DLC1: variants seen among roughly 807,000 people sequenced by gnomAD.
DLC1 encodes DLC1 Rho GTPase activating protein, also known as rho GTPase-activating protein 7.
Under a neutral mutation model 140.3 loss-of-function variants are expected in DLC1, and 54 were observed. The ratio of observed to expected loss-of-function variants is 0.38; its 90% confidence interval spans 0.31 to 0.48. DLC1 has a LOEUF of 0.48. Among genes scored for constraint, DLC1 ranks in the 20% least tolerant of loss-of-function variants. The pLI is 0.96. For synonymous variants in DLC1, 986 were observed against 728.1 expected, an observed-to-expected ratio of 1.35 and a Z score of -5.70; for missense variants, 2,536 against 1,907.0, an observed-to-expected ratio of 1.33 and a Z score of -6.14.
chr8:13,185,712 C>T (rs1308190677), intron 5 of DLC1, among the ~76,000 whole-genome samples: 1 of 151,946 alleles, frequency 6.6e-6, no homozygotes, highest in African/African-American at 2.4e-5. Flanking sequence ...GTTATTTTGC[C>T]CATTAATTAA....
At chr8:13,218,696 T>G (rs1828329970) in intron 5 of DLC1, among the ~76,000 whole-genome samples, 1 of 150,238 alleles carries the variant, frequency 6.7e-6, no homozygotes, top group East Asian at 1.9e-4. Flanking sequence ...GATGAAGTCT[T>G]TTGAAATAGT....
chr8:13,382,236 G>A (rs188289017), intron 4 of DLC1, among the ~76,000 whole-genome samples: 131 of 152,018 alleles, frequency 8.6e-4, no homozygotes, highest in Middle Eastern at 6.8e-3. Context: ...GGCCGGGCGC[G>A]GTGGCTCACG....
At position 13,100,127 on chromosome 8, in the gene DLC1, G is replaced by T. The variant is rs775118649; in HGVS notation, c.2210C>A (p.Ser737Tyr). The T allele has an allele frequency of 1.1e-5, 17 of 1,613,956 alleles. No homozygotes were observed. The highest frequency in any genetic ancestry group is 1.3e-5 in the African/African-American group (1 of 74,942). ...PMVRKRSVSN[S>Y]TQTSSSSSQS... Reference sequence around the variant, plus strand: ...GCTGCTGCTGCTGCTGGTCTGCGTGGAGTTGGAAACGCTCCTCTTTCGTAC... The same window carrying T: ...GCTGCTGCTGCTGCTGGTCTGCGTGTAGTTGGAAACGCTCCTCTTTCGTAC... The change falls in exon 9 of 18, where the codon TCC becomes TAC. Residue 737 changes from serine to tyrosine, a missense_variant. By Grantham distance (144) the Ser-to-Tyr change is moderately radical (BLOSUM62 -2). Transcript: ENST00000276297.
At chr8:13,088,204 C>A (rs988772130) in intron 16 of DLC1, among the ~76,000 whole-genome samples, 1 of 152,182 alleles carries the variant, frequency 6.6e-6, no homozygotes, top group African/African-American at 2.4e-5. Context: ...CTCGGCCTCC[C>A]GAGTAGCTAG....
chr8:13,126,398 C>CACACACACACAT (rs929709776), intron 5 of DLC1, among the ~76,000 whole-genome samples: 2 of 151,940 alleles, frequency 1.3e-5, no homozygotes, highest in African/African-American at 4.8e-5. Flanking sequence ...CACACACACA[C>CACACACACACAT]ACGTGTACGT....
At chr8:13,294,863 A>G (rs979295162) in intron 5 of DLC1, among the ~76,000 whole-genome samples, 9 of 152,186 alleles carry the variant, frequency 5.9e-5, no homozygotes, top group East Asian at 1.9e-4. Flanking sequence ...CTTCAACTGT[A>G]TAATGTAGAT....
chr8:13,367,449 A>G (rs1835540985), intron 4 of DLC1, among the ~76,000 whole-genome samples: 1 of 152,184 alleles, frequency 6.6e-6, no homozygotes, highest in African/African-American at 2.4e-5. Context: ...TAGGGGGCCC[A>G]ATAGAAGAAA....
intron 5 of DLC1, among the ~76,000 whole-genome samples, chr8:13,191,821 G>T (rs2117028014): frequency 6.6e-6 from 1 of 152,142 alleles, no homozygotes; most frequent in African/African-American, 2.4e-5. Context: ...TGAAATAATA[G>T]ATTGGGCAGT....
At chr8:13,396,363 A>G (rs1837046156) in intron 3 of DLC1, among the ~76,000 whole-genome samples, 1 of 152,144 alleles carries the variant, frequency 6.6e-6, no homozygotes, top group Admixed American at 6.5e-5. Context: ...CTGGCCTTGC[A>G]TTAATTTCCT....
At position 13,579,354 on chromosome 8, in the gene DLC1, T is replaced by TAAA. The variant is rs1804977700; in HGVS notation, c.-126+25182_-126+25183insTTT. Among the ~76,000 whole-genome samples, 19 of 31,098 alleles carry TAAA rather than the reference T, an allele frequency of 6.1e-4. 2 individuals carry two copies. Among genetic ancestry groups the TAAA allele is most frequent in the South Asian group, 1.7e-3 (2 of 1,178 alleles). The allele number at this position is 31,098 out of a possible 152,430, so 20.4% of individuals were successfully genotyped here. On this transcript the variant is annotated intron_variant, in intron 1 of 1. Transcript: ENST00000631382. ...ATATATATATATATATATATATATA[T>TAAA]ATATATATTTTTATATAATACATAT...
chr8:13,276,565 C>A (rs1280005862), intron 5 of DLC1: 2 of 1,267,544 alleles, frequency 1.6e-6, no homozygotes, highest in Non-Finnish European at 2.0e-6. Flanking sequence ...CCTCCTGGCC[C>A]GCGGCCAAGC....
At chr8:13,142,094 C>A (rs1427925074) in intron 5 of DLC1, among the ~76,000 whole-genome samples, 1 of 152,186 alleles carries the variant, frequency 6.6e-6, no homozygotes, top group Non-Finnish European at 1.5e-5. Flanking sequence ...CTCATACATA[C>A]ACAGTCGCTC....
intron 5 of DLC1, among the ~76,000 whole-genome samples, chr8:13,281,582 G>A (rs1301402361): frequency 6.6e-6 from 1 of 152,144 alleles, no homozygotes; most frequent in African/African-American, 2.4e-5. Flanking sequence ...ATACACTGGG[G>A]TTCTATGCTT....
chr8:13,173,275 T>C (rs1825581730), intron 5 of DLC1, among the ~76,000 whole-genome samples: 1 of 152,094 alleles, frequency 6.6e-6, no homozygotes, highest in Non-Finnish European at 1.5e-5. Flanking sequence ...AATTTAAGCT[T>C]TCTATATTTT....
chr8:13,086,150 T>G lies in DLC1; in HGVS notation c.4466+140A>C, dbSNP rs1817537179. ...CGCTGAAAGACCAACAAACATGAAA[T>G]GCTACTTTCTAAACACCATTCTTCA... is the stretch of plus-strand genomic sequence containing the variant. On this transcript the variant is annotated intron_variant, in intron 17 of 17. Transcript: ENST00000276297. The G allele has an allele frequency of 3.7e-6, 5 of 1,348,184 alleles. No homozygotes were observed. In the Admixed American group the frequency reaches 1.3e-4, roughly 36 times the overall value. The allele number at this position is 1,348,184 out of a possible 1,614,324, so 83.5% of individuals were successfully genotyped here.
At chr8:13,361,205 C>G (rs535524619) in intron 4 of DLC1, among the ~76,000 whole-genome samples, 4 of 152,082 alleles carry the variant, frequency 2.6e-5, no homozygotes, top group African/African-American at 9.7e-5. Context: ...GCACTCCAGC[C>G]TGGGCGACGG....
intron 2 of DLC1, among the ~76,000 whole-genome samples, chr8:13,418,197 G>T (rs1338063268): frequency 6.6e-6 from 1 of 152,026 alleles, no homozygotes; most frequent in Non-Finnish European, 1.5e-5. Context: ...TTCTTTTGCT[G>T]TGCAGAAGCT....
chr8:13,295,151 A>C (rs1040390456), intron 5 of DLC1, among the ~76,000 whole-genome samples: 6 of 152,222 alleles, frequency 3.9e-5, no homozygotes, highest in Admixed American at 2.6e-4. Context: ...GAATTTTAAA[A>C]AGTGATGAAC....
chr8:13,588,468 G>A (rs534707124), intron 1 of DLC1, among the ~76,000 whole-genome samples: 1 of 152,214 alleles, frequency 6.6e-6, no homozygotes, highest in African/African-American at 2.4e-5. Flanking sequence ...GGAGGCAGCA[G>A]AATATTATCA....
Sources: allele counts gnomAD v4.1 joint callset (sites outside exome capture counted in the v4.1 genomes callset), GRCh38; gene constraint gnomAD v4.1.1; transcripts MANE v1.5; gene names NCBI Gene and HGNC (gene_info 2026-07-23, HGNC 2026-07-21).